Variants in GTF2H1 observed in about 807,000 individuals in gnomAD.
The protein encoded by GTF2H1 is general transcription factor IIH subunit 1.
GTF2H1 carries 16 observed loss-of-function variants against 71.2 expected under a neutral mutation model. The ratio of observed to expected loss-of-function variants is 0.22; its 90% CI spans 0.15 to 0.34. GTF2H1 has a LOEUF of 0.34. Among genes scored for constraint, GTF2H1 ranks in the 10% least tolerant of loss-of-function variants. The pLI, the probability that GTF2H1 is intolerant of heterozygous loss-of-function variation, is 1.00. For synonymous variants in GTF2H1, 215 were observed against 219.0 expected (o/e 0.98, Z 0.16); for missense variants, 498 against 648.2 (o/e 0.77, Z 2.52).
At chr11:18,324,760 A>G (rs1864721364) in intron 1 of GTF2H1, among the ~76,000 whole-genome samples, 2 of 152,040 alleles carry the variant, frequency 1.3e-5, no homozygotes, top group South Asian at 2.1e-4. Context: ...TTACCAACTG[A>G]TTACTCTTCT....
In GTF2H1 at chr11:18,347,627, A is replaced by G. The variant is rs1865326091; in HGVS notation, c.877A>G (p.Lys293Glu). 1.2e-6 allele frequency: 2 copies of G among 1,610,838 alleles called. No individual in the cohort carries two copies. The highest frequency in any genetic ancestry group is 1.3e-5 in the African/African-American group (1 of 74,862). ...ISSVPSASNSKSIKENSNAAI... is the reference protein window; with the variant it reads ...ISSVPSASNSESIKENSNAAI... ...CTCTGTGCCATCTGCTTCCAATTCT[A>G]AATCCATAAAAGAGAATAGTAATGC... Residue 293 changes from lysine (K) to glutamate (E), a missense_variant, in exon 8 of 15, where the codon AAA becomes GAA. Around this residue, in one of 3 missense-constraint regions of GTF2H1, gnomAD observed 16 missense variants for 40.5 expected, o/e 0.40. Transcript: ENST00000265963.
At chr11:18,339,972 G>C (rs1865119622) in intron 5 of GTF2H1, among the ~76,000 whole-genome samples, 1 of 152,106 alleles carries the variant, frequency 6.6e-6, no homozygotes, top group Non-Finnish European at 1.5e-5. Flanking sequence ...TAGATTCCTT[G>C]ACCCCAGCCT....
intron 10 of GTF2H1, 27 bp downstream of exon 10, chr11:18,351,996 T>A: frequency 1.7e-6 from 2 of 1,157,226 alleles, no homozygotes; most frequent in Non-Finnish European, 2.6e-6. Flanking sequence ...TTAAGCAGAA[T>A]AGCTATGTAA....
intron 9 of GTF2H1, chr11:18,348,756 A>G (rs1387532585): frequency 6.6e-6 from 1 of 152,230 alleles, no homozygotes; most frequent in East Asian, 1.9e-4. Flanking sequence ...CACAAAAAAA[A>G]TAGTTTGTGA....
At chr11:18,355,502 T>A (rs150829516) in intron 11 of GTF2H1, among the ~76,000 whole-genome samples, 1 of 113,666 alleles carries the variant, frequency 8.8e-6, no homozygotes, top group Non-Finnish European at 1.9e-5. Flanking sequence ...TAAATAAATT[T>A]ACTTATTTAT....
chr11:18,360,786 A>G (rs940509758), intron 14 of GTF2H1, 79 bp downstream of exon 14: 1 of 769,024 alleles, frequency 1.3e-6, no homozygotes, highest in African/African-American at 1.8e-5. Context: ...CTTTCATGTA[A>G]ATGAGTAGAT....
At chr11:18,349,362 C>G (rs1865375482) in intron 9 of GTF2H1, among the ~76,000 whole-genome samples, 1 of 152,074 alleles carries the variant, frequency 6.6e-6, no homozygotes. Flanking sequence ...GCTGAGTACC[C>G]TTGATTCTTG....
chr11:18,331,104 A>G (rs1039587563), intron 1 of GTF2H1, among the ~76,000 whole-genome samples: 7 of 152,104 alleles, frequency 4.6e-5, no homozygotes, highest in African/African-American at 2.4e-5. Context: ...CTGGAGTACA[A>G]TGTTGCGATC....
intron 9 of GTF2H1, 139 bp downstream of exon 9, chr11:18,348,058 G>T (rs1271239855): frequency 2.9e-6 from 2 of 694,196 alleles, no homozygotes; most frequent in Admixed American, 4.7e-5. Flanking sequence ...AAAGTGTATA[G>T]CATTACAAAG....
chr11:18,357,725 G>C (rs1375856767), intron 11 of GTF2H1, among the ~76,000 whole-genome samples: 1 of 152,070 alleles, frequency 6.6e-6, no homozygotes, highest in Non-Finnish European at 1.5e-5. Flanking sequence ...AGGTCCCTGT[G>C]GACTTGCCTG....
At chr11:18,323,564 C>A (rs561292473) in intron 1 of GTF2H1, among the ~76,000 whole-genome samples, 2,710 of 146,508 alleles carry the variant, frequency 0.018, 59 homozygotes, top group African/African-American at 0.055. Flanking sequence ...AAAACAAAAA[C>A]AAAAAAAAAA....
intron 11 of GTF2H1, among the ~76,000 whole-genome samples, chr11:18,355,870 C>T (rs988552352): frequency 7.2e-5 from 11 of 152,100 alleles, no homozygotes; most frequent in Admixed American, 3.3e-4. Context: ...TTTAAAAAAC[C>T]GGTTCTGTCA....
At chr11:18,328,078 T>C (rs918092036) in intron 1 of GTF2H1, among the ~76,000 whole-genome samples, 1 of 151,792 alleles carries the variant, frequency 6.6e-6, no homozygotes, top group African/African-American at 2.4e-5. Context: ...GGCATGTGCC[T>C]CTAACCCCTA....
intron 11 of GTF2H1, among the ~76,000 whole-genome samples, chr11:18,354,724 C>G (rs1436752869): frequency 2.6e-5 from 4 of 152,146 alleles, no homozygotes; most frequent in African/African-American, 9.7e-5. Context: ...AGAGCATTCC[C>G]TTCTCCTCTG....
chr11:18,339,225 T>G (rs1865101048), intron 4 of GTF2H1, among the ~76,000 whole-genome samples: 1 of 152,214 alleles, frequency 6.6e-6, no homozygotes, highest in South Asian at 2.1e-4. Flanking sequence ...TCAGTTAATG[T>G]TAATTTAATT....
chr11:18,347,888 A>T lies in GTF2H1; in HGVS notation c.1022A>T (p.Asp341Val). 6.2e-7 allele frequency: 1 copy of T among 1,613,882 alleles called. No homozygotes were observed. The change falls in exon 9 of 15, where the codon GAT becomes GTT. Residue 341 changes from aspartate (D) to valine (V), a missense_variant. This residue lies in a region of GTF2H1 where 266 missense variants were observed against 301.6 expected (regional missense o/e 0.88). Coordinates refer to ENST00000265963, the MANE Select transcript of GTF2H1 (RefSeq NM_005316.4). Reference sequence around the variant, plus strand: ...AGCAACATGGATGGAAATTCCGGAGATGCAGACTGCTTTCAGCCAGCAGTC... The same window carrying T: ...AGCAACATGGATGGAAATTCCGGAGTTGCAGACTGCTTTCAGCCAGCAGTC... ...EPSNMDGNSG[D>V]ADCFQPAVKR...
chr11:18,336,750 A>G (rs1376343546), intron 3 of GTF2H1, among the ~76,000 whole-genome samples: 1 of 140,134 alleles, frequency 7.1e-6, no homozygotes, highest in East Asian at 2.5e-4. Context: ...TATGTAAAAT[A>G]ATGAGAATTT....
At chr11:18,347,443 TTTTTAA>T in intron 7 of GTF2H1, 139 bp from the exon 8 acceptor site, 1 of 575,020 alleles carries the variant, frequency 1.7e-6, no homozygotes, top group Non-Finnish European at 3.1e-6. Flanking sequence ...ATGTCACTTG[TTTTTAA>T]ATGTTTGTTC....
chr11:18,328,890 TA>T (rs1864832746), intron 1 of GTF2H1, among the ~76,000 whole-genome samples: 1 of 152,164 alleles, frequency 6.6e-6, no homozygotes, highest in Non-Finnish European at 1.5e-5. Context: ...TTCATGTCAT[TA>T]AATAGTCTTA....
Sources: allele counts gnomAD v4.1 joint callset (sites outside exome capture counted in the v4.1 genomes callset), GRCh38; gene constraint gnomAD v4.1.1; regional missense constraint gnomAD v4.1.1; transcripts MANE v1.5; gene names NCBI Gene and HGNC (gene_info 2026-07-23, HGNC 2026-07-21).